The following LRRTM4 variants were observed in gnomAD, a reference collection of about 807,000 sequenced individuals.
LRRTM4 encodes the protein leucine rich repeat transmembrane neuronal 4, also known as leucine-rich repeat transmembrane neuronal protein 4.
Under a neutral mutation model 47.6 loss-of-function variants are expected in LRRTM4, and 25 were observed. The ratio of observed to expected loss-of-function variants is 0.53; its 90% CI spans 0.38 to 0.73. LRRTM4 has a LOEUF of 0.73. Among genes scored for constraint, LRRTM4 ranks in the 30% least tolerant of loss-of-function variants. LRRTM4 has a pLI of 0.00. For missense variants in LRRTM4, 638 were observed against 713.4 expected, an observed-to-expected ratio of 0.89 and a Z score of 1.20; for synonymous variants, 311 against 269.5, an observed-to-expected ratio of 1.15 and a Z score of -1.51.
At chr2:76,834,520 C>T (rs775424583) in intron 3 of LRRTM4, among the ~76,000 whole-genome samples, 1 of 151,758 alleles carries the variant, frequency 6.6e-6, no homozygotes, top group African/African-American at 2.4e-5. Flanking sequence ...TGTCTCCATC[C>T]CATTTCTGCT....
chr2:77,056,159 G>T (rs1679600573), intron 3 of LRRTM4, among the ~76,000 whole-genome samples: 1 of 149,116 alleles, frequency 6.7e-6, no homozygotes, highest in African/African-American at 2.5e-5. Flanking sequence ...CCTGCACATT[G>T]TGCACATGTA....
intron 3 of LRRTM4, among the ~76,000 whole-genome samples, chr2:77,440,570 T>C (rs144484830): frequency 6.6e-6 from 1 of 152,330 alleles, no homozygotes; most frequent in African/African-American, 2.4e-5. Flanking sequence ...TTTTAGAATG[T>C]TAATTTCAAA....
chr2:77,289,617 C>A (rs1156262547), intron 3 of LRRTM4, among the ~76,000 whole-genome samples: 1 of 151,804 alleles, frequency 6.6e-6, no homozygotes, highest in Non-Finnish European at 1.5e-5. Context: ...ATTTGGAGTG[C>A]AAGTTAGGTT....
chr2:76,987,486 A>G (rs1459248745), intron 3 of LRRTM4: 1 of 151,960 alleles, frequency 6.6e-6, no homozygotes, highest in Non-Finnish European at 1.5e-5. Flanking sequence ...GGGTACAGAA[A>G]GAAGACATGT....
chr2:77,328,535 A>G (rs73941207), intron 3 of LRRTM4, among the ~76,000 whole-genome samples: 11,438 of 152,130 alleles, frequency 0.075, 699 homozygotes, highest in East Asian at 0.17. Context: ...ATTGATTACA[A>G]CCATTTCATT....
intron 3 of LRRTM4, among the ~76,000 whole-genome samples, chr2:77,035,838 TACC>T (rs1678818570): frequency 6.6e-6 from 1 of 151,802 alleles, no homozygotes; most frequent in South Asian, 2.1e-4. Flanking sequence ...ACTAAATACG[TACC>T]ACAATGGCAT....
intron 3 of LRRTM4, among the ~76,000 whole-genome samples, chr2:77,246,300 T>C (rs1675444527): frequency 6.6e-6 from 1 of 152,172 alleles, no homozygotes; most frequent in Admixed American, 6.5e-5. Flanking sequence ...CTTCACTAGC[T>C]TCACAGTGTG....
At chr2:76,766,971 C>G (rs368699197) in intron 3 of LRRTM4, among the ~76,000 whole-genome samples, 3 of 152,182 alleles carry the variant, frequency 2.0e-5, no homozygotes, top group Non-Finnish European at 2.9e-5. Flanking sequence ...TAGACAAGCC[C>G]TCCTTCACAG....
intron 3 of LRRTM4, among the ~76,000 whole-genome samples, chr2:77,101,659 A>G (rs1397595527): frequency 6.6e-6 from 1 of 152,170 alleles, no homozygotes. Flanking sequence ...ACTTTCACAT[A>G]GGAATTCTGA....
intron 3 of LRRTM4, among the ~76,000 whole-genome samples, chr2:77,210,350 T>G (rs997828531): frequency 3.9e-5 from 6 of 152,280 alleles, no homozygotes; most frequent in East Asian, 1.9e-4. Context: ...CCTATAAAGC[T>G]TTCCTTTAGC....
chr2:76,904,509 A>T (rs2103756296), intron 3 of LRRTM4, among the ~76,000 whole-genome samples: 1 of 152,306 alleles, frequency 6.6e-6, no homozygotes, highest in South Asian at 2.1e-4. Context: ...CTTCTTAGAG[A>T]GCTTGAGAAA....
chr2:77,057,579 A>C (rs1015330444), intron 3 of LRRTM4, among the ~76,000 whole-genome samples: 3 of 152,122 alleles, frequency 2.0e-5, no homozygotes, highest in Non-Finnish European at 4.4e-5. Flanking sequence ...TTTTGATTTC[A>C]AGAAATTAAG....
chr2:77,169,454 C>T (rs1032325712), intron 3 of LRRTM4, among the ~76,000 whole-genome samples: 23 of 151,996 alleles, frequency 1.5e-4, no homozygotes, highest in Admixed American at 7.9e-4. Flanking sequence ...ATGTCCCCTC[C>T]AAAATTTATG....
chr2:77,167,777 G>T (rs1672928998), intron 3 of LRRTM4, among the ~76,000 whole-genome samples: 1 of 152,064 alleles, frequency 6.6e-6, no homozygotes, highest in Non-Finnish European at 1.5e-5. Flanking sequence ...ACAGGATGGG[G>T]AACATCACAC....
intron 3 of LRRTM4, among the ~76,000 whole-genome samples, chr2:77,416,498 C>A (rs1674639899): frequency 6.6e-6 from 1 of 152,082 alleles, no homozygotes; most frequent in Non-Finnish European, 1.5e-5. Flanking sequence ...ACATATGCTA[C>A]TATTAGAAAG....
rs34031809 is a variant in LRRTM4, at chr2:76,899,311, C to CCACACACACA, written c.1552-150405_1552-150396dup. ...TTGGAGGGAGAGAAAGACTAATAAA[C>CCACACACACA]CACACACACACACACACACACACAC... On this transcript the variant is annotated intron_variant, in intron 3 of 3. Coordinates refer to ENST00000409884, the MANE Select transcript of LRRTM4 (RefSeq NM_001134745.3). Among the ~76,000 whole-genome samples, 658 of 136,432 alleles carry CCACACACACA rather than the reference C, an allele frequency of 4.8e-3. 6 individuals are homozygous for CCACACACACA. The highest frequency in any genetic ancestry group is 0.016 in the East Asian group (73 of 4,514). The allele number at this position is 136,432 out of a possible 152,430, so 89.5% of individuals were successfully genotyped here.
At position 76,764,982 on chromosome 2, in the gene LRRTM4, G is replaced by A. The variant is rs574127553; in HGVS notation, c.1552-16066C>T. Among the ~76,000 whole-genome samples, 11 of 152,270 alleles carry A rather than the reference G, an allele frequency of 7.2e-5. No individual in the cohort carries two copies. The East Asian group carries it at 1.7e-3, about 24-fold the overall frequency. The stretch of plus-strand genomic sequence containing the variant: ...GGAAAATTGTGGAAGTGGAGCTGTC[G>A]CCTAAAGTCATGGATGTGGAGTCAC... On this transcript the variant is annotated intron_variant, in intron 3 of 3. Transcript: ENST00000409884.
Position 77,469,224 on chromosome 2 carries a change from A to G in LRRTM4, c.1551+49094T>C, listed in dbSNP as rs112772433. Among the ~76,000 whole-genome samples, 701 of 152,374 alleles carry G rather than the reference A, an allele frequency of 4.6e-3. 3 individuals are homozygous for G. The highest frequency in any genetic ancestry group is 7.5e-3 in the Non-Finnish European group (509 of 68,044). ...TGGTGATCTCTAATAACTGCAGAGT[A>G]TGCCTGGGCAAAGGAAGCAGCAAGC... On this transcript the variant is annotated intron_variant, in intron 3 of 3. Transcript: ENST00000409884.
At position 76,808,010 on chromosome 2, in the gene LRRTM4, C is replaced by CTCCT. The variant is rs147946639; in HGVS notation, c.1552-59098_1552-59095dup. On this transcript the variant is annotated intron_variant, in intron 3 of 3. Coordinates refer to ENST00000409884, the MANE Select transcript of LRRTM4 (RefSeq NM_001134745.3). Reference sequence around the variant, plus strand: ...TCTTTTCTTTCTGTCTCTTTTCTCTCTCCTTCCTTCCTTCCTCTTTTCTTT... The same window carrying CTCCT: ...TCTTTTCTTTCTGTCTCTTTTCTCTCTCCTTCCTTCCTTCCTTCCTCTTTTCTTT... Among the ~76,000 whole-genome samples, 15 of 127,888 alleles carry CTCCT rather than the reference C, an allele frequency of 1.2e-4. No homozygotes were observed. In the South Asian group the frequency reaches 3.2e-3, roughly 27 times the overall value. The allele number at this position is 127,888 out of a possible 152,430, so 83.9% of individuals were successfully genotyped here. A position where few individuals can be genotyped will look rare whatever the true frequency, so the allele number is the denominator to read the frequency against.
Sources: gnomAD v4.1 joint callset for allele counts (sites outside exome capture counted in the v4.1 genomes callset) on GRCh38, gnomAD v4.1.1 for gene constraint, MANE v1.5 for transcripts, NCBI Gene and HGNC (gene_info 2026-07-23, HGNC 2026-07-21) for gene names.